Variants in SASS6 observed in about 807,000 individuals in gnomAD.
SASS6 encodes the protein spindle assembly abnormal protein 6 homolog.
Under a neutral mutation model 94.9 loss-of-function variants are expected in SASS6, and 59 were observed. That is an observed-to-expected ratio of 0.62 (90% CI 0.50 to 0.77). The LOEUF (loss-of-function observed/expected upper bound fraction) is 0.77, where lower values mean the gene tolerates loss of function less well. Ranked by LOEUF, SASS6 falls within the 30% of genes least tolerant of loss-of-function variation. SASS6 has a pLI of 0.00. For synonymous variants in SASS6, 264 were observed against 270.0 expected (o/e 0.98, Z 0.22); for missense variants, 698 against 734.1 (o/e 0.95, Z 0.57).
At chr1:100,117,639 C>A (rs769738496) in intron 7 of SASS6, among the ~76,000 whole-genome samples, 1 of 149,082 alleles carries the variant, frequency 6.7e-6, no homozygotes, top group Admixed American at 6.7e-5. Context: ...AGCGACAGAG[C>A]GAGACTCCAT....
chr1:100,093,004 T>C (rs1031006204), intron 14 of SASS6, among the ~76,000 whole-genome samples: 3 of 152,094 alleles, frequency 2.0e-5, no homozygotes, highest in African/African-American at 7.2e-5. Context: ...GCAAAGGGAC[T>C]GTATGGTGGC....
intron 7 of SASS6, among the ~76,000 whole-genome samples, chr1:100,110,771 GT>G (rs894125213): frequency 3.4e-4 from 52 of 151,766 alleles, no homozygotes; most frequent in African/African-American, 1.2e-3. Context: ...CAGTCTTCAA[GT>G]TAAGGGAAGA....
chr1:100,132,146 C>T (rs1655094818), intron 1 of SASS6, among the ~76,000 whole-genome samples: 1 of 152,182 alleles, frequency 6.6e-6, no homozygotes, highest in African/African-American at 2.4e-5. Flanking sequence ...ACTGTATTCC[C>T]AGTGCCCAGT....
At position 100,121,363 on chromosome 1, in the gene SASS6, A is replaced by G. The variant is rs1475514436; in HGVS notation, c.483+15T>C. ...ACTTATTTTGTTAAAAGAATAACTT[A>G]AATTTAAATCTTACCTTGCTACATT... On this transcript the variant is annotated intron_variant, in intron 5 of 16. Transcript: ENST00000287482. 20 of 1,468,846 alleles carry G rather than the reference A, an allele frequency of 1.4e-5. No individual in the cohort carries two copies. The highest frequency in any genetic ancestry group is 1.8e-5 in the Non-Finnish European group (19 of 1,081,050). The allele number at this position is 1,468,846 out of a possible 1,614,324, so 91.0% of individuals were successfully genotyped here. A position where few individuals can be genotyped will look rare whatever the true frequency, so the allele number is the denominator to read the frequency against.
In SASS6 at chr1:100,088,197, G is replaced by C. The variant is rs755646247; in HGVS notation, c.1714C>G (p.Leu572Val). Residue 572 changes from leucine (L) to valine (V), a missense_variant, in exon 15 of 17, where the codon CTA (leucine) becomes GTA (valine). By Grantham distance (32) the Leu-to-Val change is conservative. Coordinates refer to ENST00000287482, the MANE Select transcript of SASS6 (RefSeq NM_194292.3). ...NLQFTKPNAS[L>V]GDVQSGATIS... ...GTTGCTCCTGACTGAACATCTCCTA[G>C]TGATGCATTTGGTTTTGTAAACTGC... The C allele has an allele frequency of 4.7e-5, 75 of 1,606,846 alleles. No individual in the cohort carries two copies. Among genetic ancestry groups the C allele is most frequent in the Non-Finnish European group, 6.0e-5 (70 of 1,173,762 alleles).
chr1:100,102,491 A>G (rs1181412075), intron 14 of SASS6, among the ~76,000 whole-genome samples: 1 of 152,176 alleles, frequency 6.6e-6, no homozygotes, highest in African/African-American at 2.4e-5. Context: ...AGCCTGGCCA[A>G]CATGGCGAAA....
At chr1:100,112,096 G>GA (rs1653380892) in intron 7 of SASS6, among the ~76,000 whole-genome samples, 1 of 129,858 alleles carries the variant, frequency 7.7e-6, no homozygotes, top group East Asian at 3.0e-4. Flanking sequence ...CCATTCTGGA[G>GA]GAAAAAAAAT....
intron 14 of SASS6, among the ~76,000 whole-genome samples, chr1:100,092,079 T>A (rs1651747438): frequency 6.8e-6 from 1 of 147,388 alleles, no homozygotes; most frequent in Non-Finnish European, 1.5e-5. Context: ...TGGGAAAAGG[T>A]TCACCAAGCT....
At position 100,107,514 on chromosome 1, in the gene SASS6, T is replaced by A. The variant is rs764123099; in HGVS notation, c.1186A>T (p.Thr396Ser). Residue 396 changes from threonine (T) to serine (S), a missense_variant, in exon 11 of 17, where the codon ACT becomes TCT. Coordinates refer to ENST00000287482, the MANE Select transcript of SASS6 (RefSeq NM_194292.3). The part of the protein sequence containing the change: ...IIKKLQGDLK[T>S]LMGKLKLKNT... ...TTCAATTTCAACTTACCCATTAAAGTTTTCAGATCCCCTTGTAACTTCTTG... is the reference window on the plus strand; with the variant it reads ...TTCAATTTCAACTTACCCATTAAAGATTTCAGATCCCCTTGTAACTTCTTG... 1.2e-6 allele frequency: 2 copies of A among 1,607,476 alleles called. No homozygotes were observed. The highest frequency in any genetic ancestry group is 2.2e-5 in the South Asian group (2 of 90,366).
intron 14 of SASS6, among the ~76,000 whole-genome samples, chr1:100,097,303 AT>A (rs975876144): frequency 6.6e-6 from 1 of 152,232 alleles, no homozygotes; most frequent in Non-Finnish European, 1.5e-5. Flanking sequence ...CAGCCATTCC[AT>A]TCCTGGGTAC....
At position 100,085,425 on chromosome 1, in the gene SASS6, C is replaced by A; in HGVS notation, c.1877G>T (p.Arg626Ile). The change falls in exon 17 of 17, where the codon AGA becomes ATA. Residue 626 changes from arginine to isoleucine, a missense_variant. Physicochemically the swap from Arg to Ile is moderately conservative, Grantham distance 97 (BLOSUM62 -3). Transcript: ENST00000287482. Reference protein sequence around the residue: ...QNLFSNSDHQRDGTLGALHTS... With the variant: ...QNLFSNSDHQIDGTLGALHTS... ...ATGTAATGCTCCTAAAGTGCCATCT[C>A]TCTGATGGTCTGCAAATGAGGACAA... 1 of 1,607,558 alleles carries A rather than the reference C, an allele frequency of 6.2e-7. No homozygotes were observed. Among genetic ancestry groups the A allele is most frequent in the South Asian group, 1.1e-5 (1 of 90,946 alleles).
chr1:100,127,490 T>C (rs1294492496), intron 1 of SASS6, among the ~76,000 whole-genome samples: 1 of 152,206 alleles, frequency 6.6e-6, no homozygotes, highest in Non-Finnish European at 1.5e-5. Flanking sequence ...GAACATATGA[T>C]TGGATGCTAA....
At chr1:100,088,915 A>C (rs780548700) in intron 14 of SASS6, among the ~76,000 whole-genome samples, 1 of 152,092 alleles carries the variant, frequency 6.6e-6, no homozygotes, top group Non-Finnish European at 1.5e-5. Flanking sequence ...ACAATGCTCC[A>C]CTTATCAAAA....
chr1:100,091,630 TAA>T (rs57639570), intron 14 of SASS6, among the ~76,000 whole-genome samples: 30 of 83,008 alleles, frequency 3.6e-4, no homozygotes, highest in Non-Finnish European at 5.2e-4. Flanking sequence ...AAAGTCTCAT[TAA>T]AAAAAAAAAA....
intron 4 of SASS6, 109 bp from the exon 5 acceptor site, chr1:100,121,658 G>A: frequency 1.6e-6 from 1 of 641,652 alleles, no homozygotes; most frequent in Non-Finnish European, 2.7e-6. Context: ...AGCACATTGA[G>A]GACTCCCAAT....
chr1:100,092,349 T>C (rs1221008039), intron 14 of SASS6, among the ~76,000 whole-genome samples: 1 of 151,876 alleles, frequency 6.6e-6, no homozygotes, highest in Non-Finnish European at 1.5e-5. Flanking sequence ...CAAGAGAAAA[T>C]ATCATTTGGG....
chr1:100,124,509 T>C (rs1397418569), intron 2 of SASS6, among the ~76,000 whole-genome samples: 1 of 152,180 alleles, frequency 6.6e-6, no homozygotes, highest in Non-Finnish European at 1.5e-5. Flanking sequence ...GCCTCTCAAG[T>C]AGATGGAACT....
intron 15 of SASS6, among the ~76,000 whole-genome samples, chr1:100,087,921 T>G (rs879006118): frequency 6.6e-6 from 1 of 152,114 alleles, no homozygotes; most frequent in Non-Finnish European, 1.5e-5. Context: ...CATCCCACAT[T>G]AAAAAATAAT....
chr1:100,092,806 A>G (rs1178540698), intron 14 of SASS6, among the ~76,000 whole-genome samples: 6 of 151,946 alleles, frequency 3.9e-5, no homozygotes, highest in Admixed American at 1.3e-4. Context: ...CGATCTCCTG[A>G]CCTTGTGATC....
Sources: allele counts gnomAD v4.1 joint callset (sites outside exome capture counted in the v4.1 genomes callset), GRCh38; gene constraint gnomAD v4.1.1; transcripts MANE v1.5; gene names NCBI Gene and HGNC (gene_info 2026-07-23, HGNC 2026-07-21).